PACRG: variants seen among roughly 807,000 people sequenced by gnomAD.
PACRG encodes the protein parkin coregulated.
A neutral mutation model predicts 29.7 loss-of-function variants in PACRG; 29 were observed. The ratio of observed to expected loss-of-function variants is 0.98; its 90% CI spans 0.73 to 1.33. The LOEUF (loss-of-function observed/expected upper bound fraction) is 1.33, where lower values mean the gene tolerates loss of function less well. Among genes scored for constraint, PACRG ranks in the 40% most tolerant of loss-of-function variants. PACRG has a pLI of 0.00. For synonymous variants in PACRG, 116 were observed against 118.7 expected, an observed-to-expected ratio of 0.98 and a Z score of 0.15; for missense variants, 279 against 316.2, an observed-to-expected ratio of 0.88 and a Z score of 0.89.
intron 2 of PACRG, among the ~76,000 whole-genome samples, chr6:162,895,271 CAAAAA>C (rs35275122): frequency 1.1e-5 from 1 of 93,578 alleles, no homozygotes; most frequent in Admixed American, 1.2e-4. Flanking sequence ...CCCTCTCTCT[CAAAAA>C]AAAAAAAAAA....
chr6:163,101,521 CT>C, intron 4 of PACRG: 1 of 638,338 alleles, frequency 1.6e-6, no homozygotes, highest in Non-Finnish European at 1.9e-6. Context: ...TCCAAAGTTT[CT>C]TACAAGCTGT....
In PACRG at chr6:162,798,312, C is replaced by G. The variant is rs550243133; in HGVS notation, c.157-15835C>G. ...GATGTGAAGGGACTTTTACTGGGAG[C>G]CTTATTTATACTCATTTTTGCAAAC... is the stretch of plus-strand genomic sequence containing the variant. On this transcript the variant is annotated intron_variant, in intron 1 of 4. Coordinates refer to ENST00000366888, the MANE Select transcript of PACRG (RefSeq NM_001080379.2). Among the ~76,000 whole-genome samples the G allele has an allele frequency of 2.4e-4, 37 of 152,184 alleles. 1 individual carries two copies. The South Asian group carries it at 5.0e-3, about 20-fold the overall frequency.
intron 1 of PACRG, among the ~76,000 whole-genome samples, chr6:162,744,179 A>G (rs1005956626): frequency 2.0e-5 from 3 of 152,132 alleles, no homozygotes; most frequent in African/African-American, 7.2e-5. Context: ...CTAGAATAGG[A>G]TCATTTTCTA....
intron 4 of PACRG, among the ~76,000 whole-genome samples, chr6:163,162,673 T>G (rs901169624): frequency 2.0e-5 from 3 of 152,312 alleles, no homozygotes; most frequent in Admixed American, 6.5e-5. Flanking sequence ...CATCTGGAGC[T>G]TAGCTGGGCA....
chr6:162,817,374 A>G (rs554168108), intron 2 of PACRG, among the ~76,000 whole-genome samples: 8 of 152,358 alleles, frequency 5.3e-5, no homozygotes, highest in African/African-American at 1.4e-4. Flanking sequence ...TTGCATGCTT[A>G]GGTTTCTCAG....
In PACRG at chr6:163,269,869, GAAAGAAAGAAAGAAAGAAAGAAAAC is replaced by G. The variant is rs1395149341; in HGVS notation, c.614-44934_614-44910del. On this transcript the variant is annotated intron_variant, in intron 4 of 4. Coordinates refer to ENST00000366888, the MANE Select transcript of PACRG (RefSeq NM_001080379.2). ...AGAAAGAAAGAAAGAGAAAGAAAGA[GAAAGAAAGAAAGAAAGAAAGAAAAC>G]AAAGAAAGAAAGAAAGAAAGAAAGA... 4.7e-4 allele frequency among the ~76,000 whole-genome samples: 22 copies of G among 46,702 alleles called. 5 individuals are homozygous for G. The highest frequency in any genetic ancestry group is 2.4e-3 in the African/African-American group (20 of 8,322). 30.6% of individuals were successfully genotyped at this position (46,702 alleles called of 152,430 possible).
At chr6:162,954,648 G>A (rs1164679026) in intron 2 of PACRG, among the ~76,000 whole-genome samples, 5 of 151,982 alleles carry the variant, frequency 3.3e-5, no homozygotes, top group South Asian at 2.1e-4. Context: ...TTCATTAACC[G>A]AATAAGTTTT....
At chr6:162,984,428 G>T (rs1166706238) in intron 2 of PACRG, among the ~76,000 whole-genome samples, 1 of 151,948 alleles carries the variant, frequency 6.6e-6, no homozygotes, top group Non-Finnish European at 1.5e-5. Flanking sequence ...GATTTAATGG[G>T]CATATGGGCT....
intron 4 of PACRG, among the ~76,000 whole-genome samples, chr6:163,220,407 G>A (rs1781536573): frequency 6.6e-6 from 1 of 152,160 alleles, no homozygotes; most frequent in African/African-American, 2.4e-5. Flanking sequence ...GGGCAAGTGG[G>A]GCTGAGATGT....
chr6:163,246,194 G>A (rs142126626), intron 4 of PACRG, among the ~76,000 whole-genome samples: 89 of 152,254 alleles, frequency 5.8e-4, no homozygotes, highest in African/African-American at 1.9e-3. Context: ...CATATAAGAG[G>A]TAACATCACC....
intron 4 of PACRG, among the ~76,000 whole-genome samples, chr6:163,297,310 C>T (rs145300183): frequency 4.1e-4 from 63 of 152,350 alleles, no homozygotes; most frequent in African/African-American, 1.4e-3. Context: ...GTGGAGGTCA[C>T]GGTTCAGGTT....
intron 1 of PACRG, among the ~76,000 whole-genome samples, chr6:162,784,094 T>C (rs773957358): frequency 3.3e-5 from 5 of 152,182 alleles, no homozygotes; most frequent in African/African-American, 4.8e-5. Flanking sequence ...GAATATTGAG[T>C]CTTCCCTAAG....
chr6:163,110,840 C>T (rs555458914), intron 4 of PACRG, among the ~76,000 whole-genome samples: 2 of 152,284 alleles, frequency 1.3e-5, no homozygotes, highest in Admixed American at 1.3e-4. Context: ...GATGAGGAGA[C>T]CCAGGATCAG....
intron 1 of PACRG, among the ~76,000 whole-genome samples, chr6:162,807,045 C>T (rs1462351722): frequency 2.6e-5 from 4 of 152,212 alleles, no homozygotes; most frequent in Non-Finnish European, 5.9e-5. Context: ...TGGTTTCTTT[C>T]CATACATCTC....
intron 2 of PACRG, among the ~76,000 whole-genome samples, chr6:162,954,462 A>C (rs565285701): frequency 4.8e-4 from 73 of 152,068 alleles, no homozygotes; most frequent in Middle Eastern, 3.4e-3. Flanking sequence ...AATGGCCTAA[A>C]GGTTCTCAAT....
chr6:162,830,619 T>G (rs1291331720), intron 2 of PACRG, among the ~76,000 whole-genome samples: 2 of 152,258 alleles, frequency 1.3e-5, no homozygotes, highest in Non-Finnish European at 2.9e-5. Flanking sequence ...TGTCTGTGGC[T>G]CTCGCTACCA....
chr6:163,094,002 C>A (rs1258010041), intron 4 of PACRG, among the ~76,000 whole-genome samples: 1 of 152,164 alleles, frequency 6.6e-6, no homozygotes, highest in Admixed American at 6.5e-5. Flanking sequence ...TCTTTTAAAA[C>A]AACTTCTAAG....
At chr6:163,132,803 A>G (rs1816791028) in intron 4 of PACRG, among the ~76,000 whole-genome samples, 1 of 152,228 alleles carries the variant, frequency 6.6e-6, no homozygotes, top group Non-Finnish European at 1.5e-5. Context: ...GCAAGTGGGG[A>G]CAAAAGCTTT....
intron 4 of PACRG, among the ~76,000 whole-genome samples, chr6:163,106,378 A>G (rs997717117): frequency 6.6e-6 from 1 of 152,172 alleles, no homozygotes; most frequent in Non-Finnish European, 1.5e-5. Context: ...AACTAATAAC[A>G]TTCCTAAACT....
Sources: allele counts gnomAD v4.1 joint callset (sites outside exome capture counted in the v4.1 genomes callset), GRCh38; gene constraint gnomAD v4.1.1; transcripts MANE v1.5; gene names NCBI Gene and HGNC (gene_info 2026-07-23, HGNC 2026-07-21).